Variants in AGXT2 observed in about 807,000 individuals in gnomAD.
AGXT2 encodes the protein alanine--glyoxylate aminotransferase 2, mitochondrial.
In AGXT2, 61 loss-of-function variants were observed where a neutral mutation model predicts 62.5. The observed-to-expected ratio is 0.98, with a 90% CI of 0.79 to 1.21. The LOEUF (loss-of-function observed/expected upper bound fraction) is 1.21. Among genes scored for constraint, AGXT2 ranks in the 50% most tolerant of loss-of-function variants. The pLI, the probability that AGXT2 is intolerant of heterozygous loss-of-function variation, is 0.00. For synonymous variants in AGXT2, 243 were observed against 218.7 expected (o/e 1.11, Z -0.98); for missense variants, 666 against 641.5 (o/e 1.04, Z -0.41).
At position 35,022,273 on chromosome 5, in the gene AGXT2, C is replaced by T. The variant is rs200767603; in HGVS notation, c.963+3490G>A. The stretch of plus-strand genomic sequence containing the variant: ...ACGCTGCTATAAAGACACATGCACA[C>T]GTATGTTTATTGTGGCACTATTCAC... On this transcript the variant is annotated intron_variant, in intron 9 of 13. Transcript: ENST00000231420. Among the ~76,000 whole-genome samples the T allele has an allele frequency of 6.6e-3, 998 of 152,016 alleles. 16 individuals are homozygous for T. Among genetic ancestry groups the T allele is most frequent in the African/African-American group, 0.023 (962 of 41,416 alleles).
chr5:35,045,700 G>A (rs184669949), intron 1 of AGXT2, among the ~76,000 whole-genome samples: 12 of 151,906 alleles, frequency 7.9e-5, no homozygotes, highest in African/African-American at 2.7e-4. Context: ...AAAGGTTTTT[G>A]CAAGGCCAGG....
intron 11 of AGXT2, 130 bp from the exon 12 acceptor site, chr5:35,010,279 A>G: frequency 8.7e-7 from 1 of 1,147,212 alleles, no homozygotes; most frequent in Non-Finnish European, 1.3e-6. Flanking sequence ...GTCTAGTGTG[A>G]CCACAAGGAC....
At chr5:35,013,858 A>G (rs1278286261) in intron 10 of AGXT2, 129 bp downstream of exon 10, 2 of 1,384,576 alleles carry the variant, frequency 1.4e-6, no homozygotes, top group Non-Finnish European at 2.0e-6. Context: ...TCTCTCTTTC[A>G]TTTGCTTGGG....
At chr5:35,012,360 C>T (rs1475410329) in intron 11 of AGXT2, 1 of 153,802 alleles carries the variant, frequency 6.5e-6, no homozygotes, top group Non-Finnish European at 1.4e-5. Flanking sequence ...GTTTTCCTCC[C>T]CACAAAAAAA....
Position 35,032,646 on chromosome 5 carries a change from A to G in AGXT2, c.769+86T>C, listed in dbSNP as rs781278576. On this transcript the variant is annotated intron_variant, in intron 7 of 13. Transcript: ENST00000231420. ...TCCCTTTTCCATGTTTTCAAATTCA[A>G]TTGTTCCCTCAGGGATGGGTCTGCC... 194 of 1,230,106 alleles carry G rather than the reference A, an allele frequency of 1.6e-4. 4 individuals are homozygous for G. In the South Asian group the frequency reaches 1.6e-3, roughly 10 times the overall value. The allele number at this position is 1,230,106 out of a possible 1,614,324, so 76.2% of individuals were successfully genotyped here.
intron 9 of AGXT2, among the ~76,000 whole-genome samples, chr5:35,021,274 A>T (rs1005708344): frequency 4.6e-5 from 7 of 152,200 alleles, no homozygotes; most frequent in African/African-American, 1.2e-4. Context: ...AGTGAATCCT[A>T]AGCCAAAAGA....
chr5:35,013,043 T>A lies in AGXT2; in HGVS notation c.1099A>T (p.Ile367Phe). 6.4e-7 allele frequency: 1 copy of A among 1,551,588 alleles called. No homozygotes were observed. Among genetic ancestry groups the A allele is most frequent in the African/African-American group, 1.4e-5 (1 of 73,164 alleles). The change falls in exon 11 of 14, where the codon ATT (isoleucine) becomes TTT (phenylalanine). Residue 367 changes from isoleucine to phenylalanine, a missense_variant and splice_region_variant. Ile to Phe is a conservative substitution (Grantham distance 21, BLOSUM62 0). Transcript: ENST00000231420. The part of the protein sequence containing the change: ...PMAAVITTPE[I>F]AKSLAKCLQH... ...AGGCATTTCGCCAAAGATTTGGCAA[T>A]CTCTAGAGGGAGAAAATAGAAGGTG...
chr5:35,013,676 G>A (rs1766730073), intron 10 of AGXT2, among the ~76,000 whole-genome samples: 1 of 152,114 alleles, frequency 6.6e-6, no homozygotes, highest in Admixed American at 6.6e-5. Context: ...CAGCTACTCA[G>A]GAGGCTGAGG....
At chr5:35,039,298 A>G (rs1236528207) in intron 3 of AGXT2, 26 bp downstream of exon 3, 2 of 1,610,702 alleles carry the variant, frequency 1.2e-6, no homozygotes, top group South Asian at 2.2e-5. Flanking sequence ...TTGGAATAAA[A>G]ATCTCCAGAT....
At chr5:35,041,076 G>A (rs1201684029) in intron 1 of AGXT2, among the ~76,000 whole-genome samples, 1 of 152,036 alleles carries the variant, frequency 6.6e-6, no homozygotes, top group Non-Finnish European at 1.5e-5. Flanking sequence ...TGTGTAGCCA[G>A]TGCCTGGTAC....
chr5:35,011,915 TACACACACAC>T lies in AGXT2; in HGVS notation c.1188+1029_1188+1038del, dbSNP rs57016954. On this transcript the variant is annotated intron_variant, in intron 11 of 13. Coordinates refer to ENST00000231420, the MANE Select transcript of AGXT2 (RefSeq NM_031900.4). ...GAGTGGATAAAGAAAATGTGGTGTA[TACACACACAC>T]ACACACACACACACACACACACACA... Among the ~76,000 whole-genome samples the T allele has an allele frequency of 9.9e-3, 1,388 of 140,906 alleles. 12 individuals are homozygous for T. The highest frequency in any genetic ancestry group is 0.019 in the African/African-American group (716 of 37,756). The allele number at this position is 140,906 out of a possible 152,430, so 92.4% of individuals were successfully genotyped here. A position where few individuals can be genotyped will look rare whatever the true frequency, so the allele number is the denominator to read the frequency against.
intron 9 of AGXT2, among the ~76,000 whole-genome samples, chr5:35,017,145 C>T (rs1211573287): frequency 6.6e-6 from 1 of 152,092 alleles, no homozygotes; most frequent in Admixed American, 6.5e-5. Context: ...GTCCTCTGTT[C>T]CTTCCCTTTC....
chr5:35,023,017 T>A (rs1053318820), intron 9 of AGXT2, among the ~76,000 whole-genome samples: 1 of 151,682 alleles, frequency 6.6e-6, no homozygotes. Flanking sequence ...TTTTTTTTTT[T>A]AATTAGTGAG....
rs1354375704 is a variant in AGXT2 at position 35,039,356 on chromosome 5, C to T, written c.330G>A (p.Gly110=). 2 of 1,614,098 alleles carry T rather than the reference C, an allele frequency of 1.2e-6. No individual in the cohort carries two copies. Among genetic ancestry groups the T allele is most frequent in the South Asian group, 1.1e-5 (1 of 91,084 alleles). ...AATGGCCAACACTGACAGTAACAAT[C>T]CCGGAAAAGAAATCCAGGTATCTGC... is the stretch of plus-strand genomic sequence containing the variant. ...EGSRYLDFFS[G]IVTVSVGHCH... The change falls in exon 3 of 14, where the codon GGG becomes GGA. Residue 110 remains glycine (G), a synonymous_variant. Transcript: ENST00000231420.
intron 8 of AGXT2, 60 bp from the exon 9 acceptor site, chr5:35,025,915 A>T (rs888482809): frequency 4.1e-6 from 6 of 1,462,414 alleles, no homozygotes; most frequent in East Asian, 2.3e-5. Flanking sequence ...CAAAGTATAT[A>T]AAAAAGTTAG....
chr5:35,024,303 C>T (rs1173673458), intron 9 of AGXT2, among the ~76,000 whole-genome samples: 2 of 152,116 alleles, frequency 1.3e-5, no homozygotes, highest in Non-Finnish European at 2.9e-5. Context: ...CTGGTCTAAC[C>T]ACCTGTTAGT....
chr5:35,013,217 A>G (rs1476974220), intron 10 of AGXT2, among the ~76,000 whole-genome samples, 172 bp from the exon 11 acceptor site: 1 of 152,246 alleles, frequency 6.6e-6, no homozygotes, highest in Non-Finnish European at 1.5e-5. Flanking sequence ...CTCAAAATTT[A>G]TATGGCTGAA....
intron 9 of AGXT2, among the ~76,000 whole-genome samples, chr5:35,022,462 A>C (rs1488950453): frequency 8.6e-5 from 13 of 151,662 alleles, no homozygotes; most frequent in Non-Finnish European, 1.0e-4. Context: ...TCTCAGTAAA[A>C]TATCGCAAGA....
At chr5:35,013,837 G>T in intron 10 of AGXT2, 150 bp downstream of exon 10, 1 of 1,197,806 alleles carries the variant, frequency 8.3e-7, no homozygotes, top group Non-Finnish European at 1.2e-6. Flanking sequence ...CAGTCAGGCA[G>T]ACAGACTGTT....
Sources: allele counts gnomAD v4.1 joint callset (sites outside exome capture counted in the v4.1 genomes callset), GRCh38; gene constraint gnomAD v4.1.1; transcripts MANE v1.5; gene names NCBI Gene and HGNC (gene_info 2026-07-23, HGNC 2026-07-21).